The following TSPAN2 variants were observed in gnomAD, a reference collection of about 807,000 sequenced individuals.
TSPAN2 encodes the protein tetraspanin-2.
TSPAN2 carries 24 observed loss-of-function variants against 33.3 expected under a neutral mutation model. That is an observed-to-expected ratio of 0.72 (90% confidence interval 0.52 to 1.01). TSPAN2 has a LOEUF of 1.01. Ranked by LOEUF, TSPAN2 falls within the 50% of genes least tolerant of loss-of-function variation. The pLI is 0.00. For synonymous variants in TSPAN2, 114 were observed against 104.5 expected (o/e 1.09, Z -0.56); for missense variants, 278 against 281.3 (o/e 0.99, Z 0.08).
In TSPAN2 at chr1:115,058,914, C is replaced by T. The variant is rs1055079527; in HGVS notation, c.413G>A (p.Gly138Asp). Residue 138 changes from glycine (G) to aspartate (D), a missense_variant, in exon 5 of 8, where the codon GGC becomes GAC. Transcript: ENST00000369516. ...GTGGAAGGTGATGAGTGTCCCATTGCCTTTTCCCCTGTCTTTAAGGTAATC... is the reference window on the plus strand; with the variant it reads ...GTGGAAGGTGATGAGTGTCCCATTGTCTTTTCCCCTGTCTTTAAGGTAATC... ...YNDYLKDRGK[G>D]NGTLITFHST... 4 of 1,613,828 alleles carry T rather than the reference C, an allele frequency of 2.5e-6. No individual in the cohort carries two copies. Among genetic ancestry groups the T allele is most frequent in the African/African-American group, 2.7e-5 (2 of 74,916 alleles).
At chr1:115,089,332 C>A in intron 1 of TSPAN2, 32 bp downstream of exon 1, 1 of 1,543,684 alleles carries the variant, frequency 6.5e-7, no homozygotes, top group South Asian at 1.2e-5. Flanking sequence ...CGGCCCCCTG[C>A]CCTGACCGGC....
intron 2 of TSPAN2, 39 bp from the exon 3 acceptor site, chr1:115,062,271 C>A (rs1402050599): frequency 3.3e-6 from 5 of 1,517,812 alleles, no homozygotes; most frequent in Non-Finnish European, 9.0e-7. Flanking sequence ...TGAGAGCCAA[C>A]CGAGTGCCTC....
rs532295579 is a variant in TSPAN2 at position 115,050,135 on chromosome 1, C to T, written c.*355G>A. The T allele has an allele frequency of 7.5e-5, 20 of 265,850 alleles. No individual in the cohort carries two copies. Among genetic ancestry groups the T allele is most frequent in the African/African-American group, 4.4e-4 (19 of 42,904 alleles). 16.5% of individuals were successfully genotyped at this position (265,850 alleles called of 1,614,324 possible). On this transcript the variant is annotated 3_prime_UTR_variant, in exon 8 of 8. Coordinates refer to ENST00000369516, the MANE Select transcript of TSPAN2 (RefSeq NM_005725.6). The stretch of plus-strand genomic sequence containing the variant: ...ACCCATTATCACTTTTTCTAAATAG[C>T]CAAGTTCTCAAAGTTTCTGAAAGCT...
intron 2 of TSPAN2, among the ~76,000 whole-genome samples, chr1:115,070,668 C>T (rs1327565498): frequency 6.6e-6 from 1 of 152,072 alleles, no homozygotes; most frequent in Non-Finnish European, 1.5e-5. Flanking sequence ...TCCCCTCAGC[C>T]TTTCTAGTCC....
intron 3 of TSPAN2, 55 bp from the exon 4 acceptor site, chr1:115,060,593 T>C: frequency 1.4e-6 from 2 of 1,427,048 alleles, no homozygotes; most frequent in Admixed American, 1.9e-5. Flanking sequence ...TCAATTTATA[T>C]ATTTTGCACC....
chr1:115,065,335 T>C (rs1372871163), intron 2 of TSPAN2, among the ~76,000 whole-genome samples: 1 of 152,230 alleles, frequency 6.6e-6, no homozygotes, highest in Non-Finnish European at 1.5e-5. Flanking sequence ...ATGTAATAAT[T>C]AATTTACAGC....
intron 2 of TSPAN2, among the ~76,000 whole-genome samples, chr1:115,065,385 C>T (rs1647912031): frequency 6.6e-6 from 1 of 152,202 alleles, no homozygotes; most frequent in African/African-American, 2.4e-5. Context: ...AGAGCCTTCT[C>T]CTTCCCACAG....
chr1:115,079,559 A>C (rs1292338083), intron 1 of TSPAN2, among the ~76,000 whole-genome samples: 1 of 152,234 alleles, frequency 6.6e-6, no homozygotes, highest in Non-Finnish European at 1.5e-5. Flanking sequence ...AAAGCAAGTC[A>C]AGGATTCAGA....
rs1352383312 is a variant in TSPAN2, at chr1:115,062,360, A to C, written c.173-128T>G. ...AAAAGGAGGTGCTATTCTTACTGCC[A>C]TGTTTGACACGGAGGAACTGGGCCC... On this transcript the variant is annotated intron_variant, in intron 2 of 7. Transcript: ENST00000369516. 7.3e-6 allele frequency: 5 copies of C among 683,086 alleles called. No homozygotes were observed. The East Asian group carries it at 1.5e-4, about 20-fold the overall frequency. 42.3% of individuals were successfully genotyped at this position (683,086 alleles called of 1,614,324 possible). A position where few individuals can be genotyped will look rare whatever the true frequency, so the allele number is the denominator to read the frequency against.
chr1:115,057,456 A>G (rs1647476411), intron 6 of TSPAN2, 81 bp downstream of exon 6: 1 of 1,339,830 alleles, frequency 7.5e-7, no homozygotes, highest in Middle Eastern at 1.8e-4. Context: ...TGCAGATCCC[A>G]TCCGAGATTC....
rs748784088 is a variant in TSPAN2, at chr1:115,062,209, C to G, written c.196G>C (p.Gly66Arg). 31 of 1,594,384 alleles carry G rather than the reference C, an allele frequency of 1.9e-5. No individual in the cohort carries two copies. The highest frequency in any genetic ancestry group is 2.6e-5 in the Non-Finnish European group (31 of 1,170,402). The part of the protein sequence containing the change: ...YVGLYVLVGA[G>R]ALMMAVGFFG... ...AACCCCACGGCCATCATCAGGGCCC[C>G]GGCTCCAACCAGAACATACAGCCCT... Residue 66 changes from glycine (G) to arginine (R), a missense_variant, in exon 3 of 8, where the codon GGG (glycine) becomes CGG (arginine). Transcript: ENST00000369516.
intron 6 of TSPAN2, among the ~76,000 whole-genome samples, chr1:115,056,642 C>T (rs535307000): frequency 3.3e-5 from 5 of 152,298 alleles, no homozygotes; most frequent in South Asian, 2.1e-4. Context: ...CCCAGCCTCT[C>T]GCCTCTCCTA....
At chr1:115,063,301 G>A (rs1422299684) in intron 2 of TSPAN2, among the ~76,000 whole-genome samples, 2 of 152,138 alleles carry the variant, frequency 1.3e-5, no homozygotes, top group Admixed American at 1.3e-4. Flanking sequence ...ACATGCAAGC[G>A]AGCAACAAAC....
At position 115,057,093 on chromosome 1, in the gene TSPAN2, CAG is replaced by C. The variant is rs533196600; in HGVS notation, c.516+442_516+443del. Among the ~76,000 whole-genome samples the C allele has an allele frequency of 2.7e-4, 41 of 152,306 alleles. No homozygotes were observed. The East Asian group carries it at 7.3e-3, about 27-fold the overall frequency. On this transcript the variant is annotated intron_variant, in intron 6 of 7. Coordinates refer to ENST00000369516, the MANE Select transcript of TSPAN2 (RefSeq NM_005725.6). The stretch of plus-strand genomic sequence containing the variant: ...CAGACCTCTCTCCTGAGCCACAAAC[CAG>C]ATTTTCCAACTGCCTACTGGATATT...
At chr1:115,052,859 A>G (rs1306262121) in intron 7 of TSPAN2, among the ~76,000 whole-genome samples, 3 of 152,184 alleles carry the variant, frequency 2.0e-5, no homozygotes, top group African/African-American at 4.8e-5. Context: ...CGGCAATCCT[A>G]TAAGGTTTAT....
At chr1:115,070,046 G>A (rs1304975253) in intron 2 of TSPAN2, among the ~76,000 whole-genome samples, 1 of 152,152 alleles carries the variant, frequency 6.6e-6, no homozygotes, top group Non-Finnish European at 1.5e-5. Context: ...CTTTGTTTCT[G>A]GAGAAACACA....
At chr1:115,068,730 G>A (rs1356087834) in intron 2 of TSPAN2, among the ~76,000 whole-genome samples, 1 of 152,100 alleles carries the variant, frequency 6.6e-6, no homozygotes, top group Non-Finnish European at 1.5e-5. Flanking sequence ...TTTTGTTGCT[G>A]GAGAGCAGGT....
chr1:115,072,479 C>T (rs1049737711), intron 2 of TSPAN2, among the ~76,000 whole-genome samples: 3 of 152,192 alleles, frequency 2.0e-5, no homozygotes, highest in African/African-American at 4.8e-5. Context: ...CTACAGGGGT[C>T]CCGTGTCACC....
At chr1:115,072,839 C>T in intron 2 of TSPAN2, 66 bp downstream of exon 2, 2 of 1,384,676 alleles carry the variant, frequency 1.4e-6, no homozygotes, top group Non-Finnish European at 2.0e-6. Context: ...AGTGCAGCTT[C>T]TGCTCTAAGT....
Sources: gnomAD v4.1 joint callset for allele counts (sites outside exome capture counted in the v4.1 genomes callset) on GRCh38, gnomAD v4.1.1 for gene constraint, MANE v1.5 for transcripts, NCBI Gene and HGNC (gene_info 2026-07-23, HGNC 2026-07-21) for gene names.